Variants in STAMBPL1 observed in about 807,000 individuals in gnomAD.
STAMBPL1 encodes the protein AMSH-like protease.
STAMBPL1 carries 44 observed loss-of-function variants against 52.9 expected under a neutral mutation model. The ratio of observed to expected loss-of-function variants is 0.83; its 90% CI spans 0.65 to 1.07. The LOEUF (loss-of-function observed/expected upper bound fraction) is 1.07, where lower values mean the gene tolerates loss of function less well. Among genes scored for constraint, STAMBPL1 ranks in the 50% least tolerant of loss-of-function variants. The pLI is 0.00. For missense variants in STAMBPL1, 511 were observed against 520.8 expected (o/e 0.98, Z 0.18); for synonymous variants, 164 against 177.3 (o/e 0.92, Z 0.60).
rs745977048 is a variant in STAMBPL1, at chr10:88,894,348, G to A, written c.-53-7308G>A. Reference sequence around the variant, plus strand: ...CAGGGAACGAAAGCATTCTGCTAATGGTACCTATTGTTTTATACAGGTTTT... The same window carrying A: ...CAGGGAACGAAAGCATTCTGCTAATAGTACCTATTGTTTTATACAGGTTTT... On this transcript the variant is annotated intron_variant, in intron 1 of 10. Transcript: ENST00000371926. 7.9e-4 allele frequency among the ~76,000 whole-genome samples: 120 copies of A among 151,360 alleles called. 2 individuals carry two copies. Among genetic ancestry groups the A allele is most frequent in the Middle Eastern group, 3.4e-3 (1 of 294 alleles).
chr10:88,916,776 G>A lies in STAMBPL1; in HGVS notation c.1000G>A (p.Val334Ile), dbSNP rs1382142060. Reference protein sequence around the residue: ...DMENVEELFNVQDQHDLLTLG... With the variant: ...DMENVEELFNIQDQHDLLTLG... ...GGAGAATGTAGAGGAATTATTCAAT[G>A]TTCAGGATCAACATGATCTCCTCAC... The change falls in exon 8 of 11, where the codon GTT (valine) becomes ATT (isoleucine). Residue 334 changes from valine (V) to isoleucine (I), a missense_variant. Around this residue, in one of 3 missense-constraint regions of STAMBPL1, gnomAD observed 137 missense variants for 139.9 expected, o/e 0.98. Transcript: ENST00000371926. 6.2e-7 allele frequency: 1 copy of A among 1,609,602 alleles called. No individual in the cohort carries two copies. Among genetic ancestry groups the A allele is most frequent in the South Asian group, 1.1e-5 (1 of 90,206 alleles).
chr10:88,882,985 A>G (rs572486873), intron 1 of STAMBPL1: 1 of 151,064 alleles, frequency 6.6e-6, no homozygotes, highest in African/African-American at 2.4e-5. Flanking sequence ...CATTAGGTAT[A>G]TCTCGTAATG....
chr10:88,896,529 C>T (rs1450605815), intron 1 of STAMBPL1, among the ~76,000 whole-genome samples: 1 of 152,178 alleles, frequency 6.6e-6, no homozygotes, highest in African/African-American at 2.4e-5. Flanking sequence ...GAAAACATGA[C>T]CACTAACCCA....
At chr10:88,898,667 A>T (rs1005983872) in intron 1 of STAMBPL1, among the ~76,000 whole-genome samples, 5 of 152,026 alleles carry the variant, frequency 3.3e-5, no homozygotes, top group African/African-American at 1.2e-4. Context: ...AATTTAATAA[A>T]CTCTGATGTT....
In STAMBPL1 at chr10:88,890,590, C is replaced by T. The variant is rs144889694; in HGVS notation, c.-54+9952C>T. Among the ~76,000 whole-genome samples the T allele has an allele frequency of 4.6e-5, 7 of 152,262 alleles. No individual in the cohort carries two copies. The East Asian group carries it at 9.6e-4, about 21-fold the overall frequency. On this transcript the variant is annotated intron_variant, in intron 1 of 10. Transcript: ENST00000371926. ...GTAGGTGCAGGATTGCTAATATCAG[C>T]GTTTGCCAGATATTTGTGTAAGTGA...
chr10:88,923,170 A>G lies in STAMBPL1; in HGVS notation c.1257A>G (p.Ile419Met). 1 of 1,604,748 alleles carries G rather than the reference A, an allele frequency of 6.2e-7. No homozygotes were observed. The highest frequency in any genetic ancestry group is 8.5e-7 in the Non-Finnish European group (1 of 1,177,636). Residue 419 changes from isoleucine to methionine, a missense_variant and splice_region_variant, in exon 11 of 11, where the codon ATA becomes ATG. Ile to Met is a conservative substitution (Grantham distance 10). Transcript: ENST00000371926. Reference sequence around the variant, plus strand: ...AAAACCAATTTTTTCTTTCCTAGATATGCAAACATGTGTTGGTAAAAGACA... The same window carrying G: ...AAAACCAATTTTTTCTTTCCTAGATGTGCAAACATGTGTTGGTAAAAGACA... Reference protein sequence around the residue: ...PHTKEPRLFSICKHVLVKDIK... With the variant: ...PHTKEPRLFSMCKHVLVKDIK...
At chr10:88,886,653 T>C (rs1169090914) in intron 1 of STAMBPL1, among the ~76,000 whole-genome samples, 1 of 152,182 alleles carries the variant, frequency 6.6e-6, no homozygotes, top group Non-Finnish European at 1.5e-5. Flanking sequence ...AATTGTGTGA[T>C]TTGATGCTTC....
chr10:88,901,805 A>C, intron 2 of STAMBPL1, 67 bp downstream of exon 2: 1 of 1,459,568 alleles, frequency 6.9e-7, no homozygotes, highest in Non-Finnish European at 9.5e-7. Context: ...GAAACATACA[A>C]ATGTGAAATG....
intron 9 of STAMBPL1, 22 bp from the exon 10 acceptor site, chr10:88,922,315 T>G: frequency 6.2e-7 from 1 of 1,611,828 alleles, no homozygotes; most frequent in Non-Finnish European, 8.5e-7. Context: ...TTTTTCTATC[T>G]TGTTTTTGCT....
intron 1 of STAMBPL1, among the ~76,000 whole-genome samples, chr10:88,885,270 A>C (rs375571710): frequency 6.6e-5 from 10 of 152,292 alleles, no homozygotes; most frequent in African/African-American, 2.4e-4. Context: ...GCTTGTCCTC[A>C]TGGAGCTTCA....
Position 88,913,472 on chromosome 10 carries a change from T to G in STAMBPL1, c.778+14T>G. On this transcript the variant is annotated intron_variant, in intron 6 of 10. Coordinates refer to ENST00000371926, the MANE Select transcript of STAMBPL1 (RefSeq NM_020799.4). ...GTGCTGTTCAGAGTAAGTGATGAAA[T>G]GCACCCATGTGAGACACTGAGCCTC... 1.3e-6 allele frequency: 2 copies of G among 1,594,232 alleles called. No homozygotes were observed. Among genetic ancestry groups the G allele is most frequent in the Non-Finnish European group, 1.7e-6 (2 of 1,167,142 alleles).
chr10:88,902,576 C>CT (rs200481272), intron 2 of STAMBPL1, among the ~76,000 whole-genome samples: 13,873 of 146,976 alleles, frequency 0.094, 912 homozygotes, highest in South Asian at 0.31. Context: ...AATGTTTTTT[C>CT]TTTTTTTTTT....
chr10:88,896,106 A>AT (rs1196716097), intron 1 of STAMBPL1, among the ~76,000 whole-genome samples: 7 of 152,212 alleles, frequency 4.6e-5, no homozygotes, highest in African/African-American at 1.7e-4. Flanking sequence ...ATAGGGAAAA[A>AT]ATCCAATAAA....
At chr10:88,920,881 C>G (rs1037842745) in intron 8 of STAMBPL1, among the ~76,000 whole-genome samples, 1 of 152,150 alleles carries the variant, frequency 6.6e-6, no homozygotes, top group Non-Finnish European at 1.5e-5. Context: ...CAGCTCTGCT[C>G]CTTACCAGCC....
At chr10:88,890,566 T>C (rs959198334) in intron 1 of STAMBPL1, among the ~76,000 whole-genome samples, 1 of 152,158 alleles carries the variant, frequency 6.6e-6, no homozygotes. Context: ...AGGGAAGGGG[T>C]AGGTGCAGGA....
At chr10:88,899,908 CT>C (rs1264195131) in intron 1 of STAMBPL1, among the ~76,000 whole-genome samples, 3 of 152,180 alleles carry the variant, frequency 2.0e-5, no homozygotes, top group Non-Finnish European at 4.4e-5. Context: ...TTTGCTCTGT[CT>C]TTTTAACGCT....
At chr10:88,897,169 A>G (rs988702211) in intron 1 of STAMBPL1, among the ~76,000 whole-genome samples, 1 of 152,212 alleles carries the variant, frequency 6.6e-6, no homozygotes, top group Non-Finnish European at 1.5e-5. Flanking sequence ...ACCCCCTCCC[A>G]GGCCACTTAT....
At position 88,894,207 on chromosome 10, in the gene STAMBPL1, C is replaced by G. The variant is rs572888867; in HGVS notation, c.-53-7449C>G. Among the ~76,000 whole-genome samples the G allele has an allele frequency of 8.5e-5, 13 of 152,226 alleles. No individual in the cohort carries two copies. The South Asian group carries it at 1.0e-3, about 12-fold the overall frequency. On this transcript the variant is annotated intron_variant, in intron 1 of 10. Transcript: ENST00000371926. ...TTCTGCTGTTAGTGGTTCCTGGAGC[C>G]AGAATTTGAATTCAGATGTTCTAAC...
intron 1 of STAMBPL1, among the ~76,000 whole-genome samples, chr10:88,899,409 C>T (rs191175720): frequency 6.6e-6 from 1 of 152,266 alleles, no homozygotes; most frequent in Admixed American, 6.5e-5. Context: ...ATTTTAGATG[C>T]AGTAAAATGT....
Sources: gnomAD v4.1 joint callset for allele counts (sites outside exome capture counted in the v4.1 genomes callset) on GRCh38, gnomAD v4.1.1 for gene constraint, gnomAD v4.1.1 regional missense constraint, MANE v1.5 for transcripts, NCBI Gene and HGNC (gene_info 2026-07-23, HGNC 2026-07-21) for gene names.